The following EHD2 variants were observed in gnomAD, a reference collection of about 807,000 sequenced individuals.
EHD2 encodes EH domain containing 2.
EHD2 carries 27 observed loss-of-function variants against 41.0 expected under a neutral mutation model. The ratio of observed to expected loss-of-function variants is 0.66; its 90% CI spans 0.49 to 0.91. EHD2 has a LOEUF of 0.91. Ranked by LOEUF, EHD2 falls within the 40% of genes least tolerant of loss-of-function variation. The pLI is 0.00. For synonymous variants in EHD2, 342 were observed against 341.0 expected, an observed-to-expected ratio of 1.00 and a Z score of -0.03; for missense variants, 673 against 773.9, an observed-to-expected ratio of 0.87 and a Z score of 1.55.
chr19:47,731,279 A>AAAAAAAATAT lies in EHD2; in HGVS notation c.915+5056_915+5057insAAAAAATATA. The AAAAAAAATAT allele has an allele frequency of 7.7e-4, 47 of 60,934 alleles. 2 individuals are homozygous for AAAAAAAATAT. Among genetic ancestry groups the AAAAAAAATAT allele is most frequent in the African/African-American group, 2.2e-3 (46 of 20,478 alleles). 3.8% of individuals were successfully genotyped at this position (60,934 alleles called of 1,614,324 possible). A position where few individuals can be genotyped will look rare whatever the true frequency, so the allele number is the denominator to read the frequency against. ...ATTTGTGATTCTTTAAAAAAAAAAA[A>AAAAAAAATAT]ATATATATATATATATATATATACA... On this transcript the variant is annotated intron_variant, in intron 4 of 5. Transcript: ENST00000263277.
intron 4 of EHD2, among the ~76,000 whole-genome samples, chr19:47,735,999 C>G (rs1406065465): frequency 6.6e-6 from 1 of 151,992 alleles, no homozygotes; most frequent in Non-Finnish European, 1.5e-5. Flanking sequence ...AGTTTGAGAC[C>G]AGCCTGACCA....
intron 5 of EHD2, 90 bp from the exon 6 acceptor site, chr19:47,740,791 G>A (rs1966978057): frequency 7.2e-7 from 1 of 1,380,356 alleles, no homozygotes. Context: ...CTACCCCCGA[G>A]CTTCTCCAGT....
chr19:47,738,887 C>A (rs1451854990), intron 5 of EHD2, among the ~76,000 whole-genome samples: 1 of 152,144 alleles, frequency 6.6e-6, no homozygotes, highest in Non-Finnish European at 1.5e-5. Context: ...CTTAGAGTAG[C>A]CCGTGTGAGA....
intron 5 of EHD2, among the ~76,000 whole-genome samples, chr19:47,738,888 C>T (rs1966952358): frequency 6.6e-6 from 1 of 152,106 alleles, no homozygotes; most frequent in Non-Finnish European, 1.5e-5. Context: ...TTAGAGTAGC[C>T]CGTGTGAGAA....
At chr19:47,737,091 T>C (rs901686602) in intron 5 of EHD2, among the ~76,000 whole-genome samples, 12 of 150,682 alleles carry the variant, frequency 8.0e-5, no homozygotes, top group Non-Finnish European at 1.3e-4. Context: ...ATTAGCTGGG[T>C]GTGGTGGTGG....
Position 47,718,508 on chromosome 19 carries a change from G to C in EHD2, c.405-1G>C. ...ACCCCTGACCCTCCCTCTGCCCCCA[G>C]GTTCATGTGTGCCCAGCTCCCTAAT... is the stretch of plus-strand genomic sequence containing the variant. On this transcript the variant is annotated splice_acceptor_variant, in intron 2 of 5. Coordinates refer to ENST00000263277, the MANE Select transcript of EHD2 (RefSeq NM_014601.4). LOFTEE classifies it high-confidence loss of function. 6.3e-7 allele frequency: 1 copy of C among 1,576,510 alleles called. No individual in the cohort carries two copies. Among genetic ancestry groups the C allele is most frequent in the Non-Finnish European group, 8.6e-7 (1 of 1,160,392 alleles).
At chr19:47,721,003 C>T (rs538502878) in intron 3 of EHD2, among the ~76,000 whole-genome samples, 1 of 151,860 alleles carries the variant, frequency 6.6e-6, no homozygotes, top group African/African-American at 2.4e-5. Context: ...CCTGTGTGTT[C>T]GTGCAGGTCT....
intron 1 of EHD2, among the ~76,000 whole-genome samples, chr19:47,714,757 C>A (rs951207189): frequency 2.6e-5 from 4 of 151,954 alleles, no homozygotes; most frequent in Non-Finnish European, 1.5e-5. Flanking sequence ...AGAGATGAGC[C>A]GGCATGGTGG....
rs1029231072 is a variant in EHD2, at chr19:47,741,487, G to A, written c.*55G>A. On this transcript the variant is annotated 3_prime_UTR_variant, in exon 6 of 6. Coordinates refer to ENST00000263277, the MANE Select transcript of EHD2 (RefSeq NM_014601.4). The surrounding 1 kb of genome is among the most constrained non-coding windows in gnomAD (Gnocchi z 4.5). ...GCTCCCCAGCTCCAGTCGGCTGCAC[G>A]CACACCCCTGCTCCGGCTCACACAC... 1.3e-6 allele frequency: 2 copies of A among 1,510,568 alleles called. No homozygotes were observed. Among genetic ancestry groups the A allele is most frequent in the African/African-American group, 1.4e-5 (1 of 72,422 alleles). 93.6% of individuals were successfully genotyped at this position (1,510,568 alleles called of 1,614,324 possible).
intron 5 of EHD2, among the ~76,000 whole-genome samples, chr19:47,737,197 C>A (rs1299183243): frequency 1.4e-5 from 2 of 142,614 alleles, no homozygotes; most frequent in Non-Finnish European, 3.0e-5. Flanking sequence ...CGCCACTTTA[C>A]TCCGGCCTAG....
chr19:47,738,954 G>A (rs1966953542), intron 5 of EHD2, among the ~76,000 whole-genome samples: 1 of 152,272 alleles, frequency 6.6e-6, no homozygotes, highest in South Asian at 2.1e-4. Context: ...CGGTGGGGAG[G>A]GGGTGGTCCC....
rs1478505131 is a variant in EHD2 at position 47,741,943 on chromosome 19, C to T, written c.*511C>T. ...AATGACTAGCAGATAAACAGACCCC[C>T]TTCTGCTCCGCTTCCTCCTGCCCAG... On this transcript the variant is annotated 3_prime_UTR_variant, in exon 6 of 6. Transcript: ENST00000263277. This position sits in a 1 kb window ranked among gnomAD's most constrained non-coding sequence, Gnocchi z 4.5. 1 of 456,258 alleles carries T rather than the reference C, an allele frequency of 2.2e-6. No homozygotes were observed. Among genetic ancestry groups the T allele is most frequent in the African/African-American group, 2.0e-5 (1 of 50,076 alleles). The allele number at this position is 456,258 out of a possible 1,614,324, so 28.3% of individuals were successfully genotyped here. A position where few individuals can be genotyped will look rare whatever the true frequency, so the allele number is the denominator to read the frequency against.
rs3210698 is a variant in EHD2, at chr19:47,742,371, G to A, written c.*939G>A. The A allele has an allele frequency of 5.2e-6, 1 of 193,648 alleles. No individual in the cohort carries two copies. The highest frequency in any genetic ancestry group is 2.4e-5 in the African/African-American group (1 of 41,662). The allele number at this position is 193,648 out of a possible 1,614,324, so 12.0% of individuals were successfully genotyped here. A position where few individuals can be genotyped will look rare whatever the true frequency, so the allele number is the denominator to read the frequency against. On this transcript the variant is annotated 3_prime_UTR_variant, in exon 6 of 6. Transcript: ENST00000263277. ...CACTGCAACCTCCACCTCCTGGGTT[G>A]AAGTGATTCTCGTGCCTCAGCCTCC...
chr19:47,732,507 C>A (rs981402794), intron 4 of EHD2, among the ~76,000 whole-genome samples: 1 of 152,116 alleles, frequency 6.6e-6, no homozygotes, highest in Non-Finnish European at 1.5e-5. Flanking sequence ...CAGTCTCAAA[C>A]CTCTGGGCTC....
Position 47,742,040 on chromosome 19 carries a change from A to G in EHD2, c.*608A>G. 2.3e-6 allele frequency: 1 copy of G among 429,408 alleles called. No individual in the cohort carries two copies. 26.6% of individuals were successfully genotyped at this position (429,408 alleles called of 1,614,324 possible). On this transcript the variant is annotated 3_prime_UTR_variant, in exon 6 of 6. Transcript: ENST00000263277. ...ACCATGGGGGGCTCAGAGGGGAGAC[A>G]CACCTACTGCTTCCTCAGATGGGCC...
chr19:47,713,628 C>T (rs573480330), intron 1 of EHD2, 90 bp downstream of exon 1: 1 of 153,648 alleles, frequency 6.5e-6, no homozygotes, highest in African/African-American at 2.4e-5. Flanking sequence ...TCCCTGCCAC[C>T]CTGTCCCCAG....
At chr19:47,718,813 G>A (rs1973663232) in intron 3 of EHD2, among the ~76,000 whole-genome samples, 2 of 145,558 alleles carry the variant, frequency 1.4e-5, no homozygotes. Flanking sequence ...CTGGGTCTGA[G>A]GGAGGAGGGG....
intron 3 of EHD2, among the ~76,000 whole-genome samples, chr19:47,722,930 A>G (rs1174599647): frequency 1.3e-5 from 2 of 151,894 alleles, no homozygotes; most frequent in Non-Finnish European, 2.9e-5. Context: ...AACAGTGCCC[A>G]CCTCCTGGGG....
chr19:47,740,085 G>T (rs1176901119), intron 5 of EHD2, among the ~76,000 whole-genome samples: 4 of 152,114 alleles, frequency 2.6e-5, no homozygotes, highest in Non-Finnish European at 4.4e-5. Flanking sequence ...TGCCACTCTG[G>T]CTGGGTACAG....
Sources: allele counts gnomAD v4.1 joint callset (sites outside exome capture counted in the v4.1 genomes callset), GRCh38; gene constraint gnomAD v4.1.1; non-coding constraint Gnocchi (gnomAD v3.1); transcripts MANE v1.5; gene names NCBI Gene and HGNC (gene_info 2026-07-23, HGNC 2026-07-21).